The following MEI1 variants were observed in gnomAD, a reference collection of about 807,000 sequenced individuals.
MEI1 encodes meiosis inhibitor protein 1.
MEI1 carries 103 observed loss-of-function variants against 146.2 expected under a neutral mutation model. The observed-to-expected ratio is 0.70, with a 90% CI of 0.60 to 0.83. MEI1 has a LOEUF of 0.83. Among genes scored for constraint, MEI1 ranks in the 40% least tolerant of loss-of-function variants. The pLI is 0.00. For synonymous variants in MEI1, 652 were observed against 628.2 expected, an observed-to-expected ratio of 1.04 and a Z score of -0.57; for missense variants, 1,529 against 1,533.0, an observed-to-expected ratio of 1.00 and a Z score of 0.04.
intron 11 of MEI1, among the ~76,000 whole-genome samples, chr22:41,736,072 G>C (rs894450544): frequency 6.6e-6 from 1 of 152,088 alleles, no homozygotes; most frequent in Admixed American, 6.6e-5. Flanking sequence ...TCCCTTTGGA[G>C]CTTCTAATAC....
At chr22:41,729,617 T>C in intron 7 of MEI1, 48 bp from the exon 8 acceptor site, 1 of 1,253,914 alleles carries the variant, frequency 8.0e-7, no homozygotes, top group Non-Finnish European at 1.1e-6. Context: ...GTTTTTCTGG[T>C]CCTATTCGTG....
intron 15 of MEI1, among the ~76,000 whole-genome samples, chr22:41,750,297 C>A (rs528408288): frequency 6.6e-6 from 1 of 152,034 alleles, no homozygotes; most frequent in Non-Finnish European, 1.5e-5. Flanking sequence ...CAGAAGGGTA[C>A]GATATTAAGG....
chr22:41,726,381 C>T (rs1007294308), intron 7 of MEI1, among the ~76,000 whole-genome samples: 1 of 152,126 alleles, frequency 6.6e-6, no homozygotes, highest in Non-Finnish European at 1.5e-5. Flanking sequence ...TAAAACTTAA[C>T]TTAAAAGCAG....
At chr22:41,712,940 C>T (rs1266281708) in intron 3 of MEI1, among the ~76,000 whole-genome samples, 4 of 151,510 alleles carry the variant, frequency 2.6e-5, no homozygotes, top group Non-Finnish European at 5.9e-5. Context: ...TCCTGAGTAG[C>T]TGGGACCACA....
chr22:41,738,786 T>A (rs2413657), intron 11 of MEI1, among the ~76,000 whole-genome samples: 111,214 of 148,084 alleles, frequency 0.75, 42,015 homozygotes, highest in East Asian at 0.94. Context: ...AAAAAATAAA[T>A]AAATAAATAA....
At chr22:41,775,233 T>G (rs1336894976) in intron 20 of MEI1, among the ~76,000 whole-genome samples, 2 of 152,212 alleles carry the variant, frequency 1.3e-5, no homozygotes, top group Non-Finnish European at 2.9e-5. Flanking sequence ...CCTTTATAGC[T>G]TGGGGCAGAG....
intron 25 of MEI1, 25 bp from the exon 26 acceptor site, chr22:41,784,583 G>A: frequency 6.2e-7 from 1 of 1,608,790 alleles, no homozygotes; most frequent in South Asian, 1.1e-5. Context: ...ACAGGAATTG[G>A]GTGTAAGGAA....
At chr22:41,789,139 A>G (rs577454713) in intron 26 of MEI1, among the ~76,000 whole-genome samples, 111 of 152,204 alleles carry the variant, frequency 7.3e-4, no homozygotes, top group African/African-American at 2.6e-3. Flanking sequence ...GTGAAACCTC[A>G]TCTCTACTAA....
intron 2 of MEI1, among the ~76,000 whole-genome samples, chr22:41,704,449 T>C (rs2068933251): frequency 6.6e-6 from 1 of 151,494 alleles, no homozygotes; most frequent in South Asian, 2.1e-4. Flanking sequence ...TGTCTCGCTC[T>C]TTCGCCCAGG....
intron 24 of MEI1, among the ~76,000 whole-genome samples, chr22:41,782,076 A>G (rs1387933739): frequency 1.3e-5 from 2 of 152,214 alleles, no homozygotes; most frequent in Non-Finnish European, 2.9e-5. Context: ...CCTACACTCC[A>G]GGCTCTATTC....
chr22:41,794,767 T>C (rs1449006720), intron 28 of MEI1, among the ~76,000 whole-genome samples: 1 of 152,160 alleles, frequency 6.6e-6, no homozygotes, highest in African/African-American at 2.4e-5. Context: ...ATGAACCAGA[T>C]ACTCTGCCTT....
intron 11 of MEI1, among the ~76,000 whole-genome samples, chr22:41,735,291 G>A (rs559197814): frequency 1.3e-5 from 2 of 148,988 alleles, no homozygotes; most frequent in Non-Finnish European, 3.0e-5. Flanking sequence ...GAGTGCAAAG[G>A]CATGATCTCG....
chr22:41,765,091 G>A (rs1402472492), intron 19 of MEI1, among the ~76,000 whole-genome samples: 4 of 152,118 alleles, frequency 2.6e-5, no homozygotes, highest in Non-Finnish European at 5.9e-5. Context: ...TGTAACCTCC[G>A]CTTCCCAGGT....
intron 21 of MEI1, among the ~76,000 whole-genome samples, chr22:41,778,199 G>C: frequency 6.6e-6 from 1 of 152,162 alleles, no homozygotes; most frequent in Non-Finnish European, 1.5e-5. Context: ...GAGGGAGGGA[G>C]CTCCTCGCAG....
intron 7 of MEI1, among the ~76,000 whole-genome samples, chr22:41,726,116 A>G (rs533754023): frequency 6.6e-6 from 1 of 152,298 alleles, no homozygotes; most frequent in South Asian, 2.1e-4. Context: ...TATCTCTACT[A>G]AAAATACAAA....
At chr22:41,708,642 G>A (rs1193287552) in intron 3 of MEI1, among the ~76,000 whole-genome samples, 1 of 152,140 alleles carries the variant, frequency 6.6e-6, no homozygotes, top group Non-Finnish European at 1.5e-5. Context: ...TTCACATTTA[G>A]CATGTTGTTT....
At chr22:41,775,755 A>G (rs562205354) in intron 20 of MEI1, among the ~76,000 whole-genome samples, 3 of 151,856 alleles carry the variant, frequency 2.0e-5, no homozygotes, top group Non-Finnish European at 4.4e-5. Context: ...CACCACGCCC[A>G]GCTAATTTTT....
intron 11 of MEI1, among the ~76,000 whole-genome samples, chr22:41,734,567 T>G (rs543447075): frequency 1.3e-5 from 2 of 152,226 alleles, no homozygotes; most frequent in Non-Finnish European, 2.9e-5. Context: ...TACTCCAGAC[T>G]GAGGCCACAG....
intron 11 of MEI1, among the ~76,000 whole-genome samples, chr22:41,737,322 C>A (rs962289436): frequency 2.7e-5 from 4 of 150,198 alleles, no homozygotes; most frequent in Non-Finnish European, 4.4e-5. Flanking sequence ...CTGCAAGCTC[C>A]GCCTCCTGGA....
Sources: allele counts gnomAD v4.1 joint callset (sites outside exome capture counted in the v4.1 genomes callset), GRCh38; gene constraint gnomAD v4.1.1; transcripts MANE v1.5; gene names NCBI Gene and HGNC (gene_info 2026-07-23, HGNC 2026-07-21).